LRP1B: variants seen among roughly 807,000 people sequenced by gnomAD.
LRP1B encodes low-density lipoprotein receptor-related protein 1B.
In LRP1B, 217 loss-of-function variants were observed where a neutral mutation model predicts 556.6. The ratio of observed to expected loss-of-function variants is 0.39; its 90% CI spans 0.35 to 0.44. The LOEUF (loss-of-function observed/expected upper bound fraction) is 0.44. Ranked by LOEUF, LRP1B falls within the 20% of genes least tolerant of loss-of-function variation. The pLI, the probability that LRP1B is intolerant of heterozygous loss-of-function variation, is 1.00. For synonymous variants in LRP1B, 2,047 were observed against 1,865.8 expected (o/e 1.10, Z -2.50); for missense variants, 5,053 against 5,620.8 (o/e 0.90, Z 3.23).
intron 35 of LRP1B, among the ~76,000 whole-genome samples, chr2:140,730,213 A>AT (rs2105495942): frequency 6.6e-6 from 1 of 152,122 alleles, no homozygotes; most frequent in East Asian, 1.9e-4. Flanking sequence ...CCTTCCTTTA[A>AT]TTTTATTTAT....
intron 1 of LRP1B, among the ~76,000 whole-genome samples, chr2:141,816,114 T>C (rs953448781): frequency 3.9e-5 from 6 of 151,972 alleles, no homozygotes; most frequent in Non-Finnish European, 8.8e-5. Context: ...TAGGGAGGGA[T>C]AGATACAGAA....
intron 15 of LRP1B, among the ~76,000 whole-genome samples, chr2:141,002,482 A>G (rs1697454439): frequency 6.6e-6 from 1 of 152,070 alleles, no homozygotes; most frequent in Admixed American, 6.6e-5. Context: ...ATCCATGGAT[A>G]CTCACATCCT....
chr2:140,378,812 A>T (rs1390360376), intron 67 of LRP1B, among the ~76,000 whole-genome samples: 1 of 152,208 alleles, frequency 6.6e-6, no homozygotes, highest in East Asian at 1.9e-4. Flanking sequence ...AGAACAGTAT[A>T]TAGGGATAAT....
At chr2:141,864,410 C>T (rs1440666800) in intron 1 of LRP1B, among the ~76,000 whole-genome samples, 4 of 152,078 alleles carry the variant, frequency 2.6e-5, no homozygotes, top group South Asian at 2.1e-4. Flanking sequence ...TTTCTATTGC[C>T]GTCTCATTTA....
intron 1 of LRP1B, among the ~76,000 whole-genome samples, chr2:141,844,198 C>G (rs1473079299): frequency 6.6e-6 from 1 of 152,094 alleles, no homozygotes; most frequent in African/African-American, 2.4e-5. Context: ...AGCCAAACAT[C>G]TACTTACCTT....
chr2:141,091,803 A>C (rs138050052), intron 7 of LRP1B, among the ~76,000 whole-genome samples: 2 of 152,330 alleles, frequency 1.3e-5, no homozygotes, highest in East Asian at 3.9e-4. Context: ...AATGAGAAGC[A>C]AAAGTACACA....
chr2:141,082,913 T>G (rs1213301856), intron 7 of LRP1B, among the ~76,000 whole-genome samples: 1 of 152,232 alleles, frequency 6.6e-6, no homozygotes, highest in Non-Finnish European at 1.5e-5. Flanking sequence ...TATTTTATGT[T>G]ATGTGATCCC....
chr2:141,135,132 G>C (rs1701459205), intron 7 of LRP1B, among the ~76,000 whole-genome samples: 1 of 151,656 alleles, frequency 6.6e-6, no homozygotes, highest in South Asian at 2.1e-4. Context: ...ATTTCTAAGA[G>C]AGAATAGTGA....
intron 7 of LRP1B, among the ~76,000 whole-genome samples, chr2:141,062,693 A>G (rs541854194): frequency 6.6e-6 from 1 of 151,764 alleles, no homozygotes; most frequent in African/African-American, 2.4e-5. Flanking sequence ...TGTGTCTTAT[A>G]AAACTTATCA....
At chr2:141,282,937 T>G (rs1213335100) in intron 3 of LRP1B, among the ~76,000 whole-genome samples, 1 of 152,168 alleles carries the variant, frequency 6.6e-6, no homozygotes, top group Non-Finnish European at 1.5e-5. Flanking sequence ...CATAGTGTAG[T>G]ATTTAATATC....
At chr2:140,541,366 T>C (rs1680127801) in intron 44 of LRP1B, among the ~76,000 whole-genome samples, 2 of 152,126 alleles carry the variant, frequency 1.3e-5, no homozygotes, top group Admixed American at 1.3e-4. Flanking sequence ...CTTCAAACTG[T>C]AATTTTGTAA....
In LRP1B at chr2:140,501,897, G is replaced by A. The variant is rs756640087; in HGVS notation, c.8663-23C>T. ...GTTCTGGAAAAAAAATAAAACAAATGGAACATAAAGGGCATGCCATTGTTT... is the reference window on the plus strand; with the variant it reads ...GTTCTGGAAAAAAAATAAAACAAATAGAACATAAAGGGCATGCCATTGTTT... On this transcript the variant is annotated intron_variant, in intron 54 of 90. Transcript: ENST00000389484. 5.8e-6 allele frequency: 9 copies of A among 1,541,090 alleles called. No homozygotes were observed. The South Asian group carries it at 7.2e-5, about 12-fold the overall frequency.
intron 7 of LRP1B, among the ~76,000 whole-genome samples, chr2:141,107,336 A>T (rs550740596): frequency 6.6e-6 from 1 of 152,078 alleles, no homozygotes; most frequent in Admixed American, 6.6e-5. Context: ...TTGAAAGATA[A>T]ATTAAAAAAA....
chr2:140,256,310 C>A (rs1160695451), intron 86 of LRP1B, among the ~76,000 whole-genome samples: 1 of 151,874 alleles, frequency 6.6e-6, no homozygotes, highest in Non-Finnish European at 1.5e-5. Flanking sequence ...AGTAATACTT[C>A]CTGTGTGCAT....
At chr2:140,379,552 T>C (rs1470138738) in intron 67 of LRP1B, among the ~76,000 whole-genome samples, 1 of 151,878 alleles carries the variant, frequency 6.6e-6, no homozygotes, top group East Asian at 1.9e-4. Context: ...AAAATTAGCC[T>C]GCCTTGGTGG....
rs1409575767 is a variant in LRP1B at position 142,077,719 on chromosome 2, T to C, written c.82+52929A>G. ...GAGTTTGGGAGTACAGTTTCCTTGGTTCGCTGCAGGATTTCACAAATCTTT... is the reference window on the plus strand; with the variant it reads ...GAGTTTGGGAGTACAGTTTCCTTGGCTCGCTGCAGGATTTCACAAATCTTT... On this transcript the variant is annotated intron_variant, in intron 1 of 90. Transcript: ENST00000389484. Among the ~76,000 whole-genome samples the C allele has an allele frequency of 3.9e-5, 6 of 152,102 alleles. No individual in the cohort carries two copies. In the East Asian group the frequency reaches 1.2e-3, roughly 29 times the overall value.
Position 140,502,965 on chromosome 2 carries a change from G to T in LRP1B, c.8660C>A (p.Ala2887Glu). The T allele has an allele frequency of 6.2e-7, 1 of 1,612,682 alleles. No individual in the cohort carries two copies. The highest frequency in any genetic ancestry group is 8.5e-7 in the Non-Finnish European group (1 of 1,179,018). The change falls in exon 54 of 91, where the codon GCA becomes GAA. Residue 2887 changes from alanine (A) to glutamate (E), a missense_variant and splice_region_variant. Ala to Glu is a moderately radical substitution (Grantham distance 107). This residue lies in a region of LRP1B where 3,619 missense variants were observed against 3,931.9 expected (regional missense o/e 0.92). Transcript: ENST00000389484. ...CGGTATTGTATATATTTCTGTACCT[G>T]CACTTTTACACTTTGGGTTTAAAGG... ...EAPLNPKCKS[A>E]EQSCNSSFFM...
intron 3 of LRP1B, among the ~76,000 whole-genome samples, chr2:141,375,843 G>A (rs760286590): frequency 1.3e-5 from 2 of 152,130 alleles, no homozygotes; most frequent in African/African-American, 2.4e-5. Flanking sequence ...CCCTAGATAT[G>A]TGTAAGAGAG....
intron 77 of LRP1B, among the ~76,000 whole-genome samples, chr2:140,343,213 CA>C (rs1681483878): frequency 1.3e-5 from 2 of 151,490 alleles, no homozygotes; most frequent in Non-Finnish European, 3.0e-5. Flanking sequence ...AAATACACAT[CA>C]AAAACAATTG....
Sources: allele counts gnomAD v4.1 joint callset (sites outside exome capture counted in the v4.1 genomes callset), GRCh38; gene constraint gnomAD v4.1.1; regional missense constraint gnomAD v4.1.1; transcripts MANE v1.5; gene names NCBI Gene and HGNC (gene_info 2026-07-23, HGNC 2026-07-21).